Variants in EPHA7 observed in about 807,000 individuals in gnomAD.
EPHA7 encodes ephrin type-A receptor 7.
Under a neutral mutation model 112.6 loss-of-function variants are expected in EPHA7, and 25 were observed. The ratio of observed to expected loss-of-function variants is 0.22; its 90% confidence interval spans 0.16 to 0.31. EPHA7 has a LOEUF of 0.31. EPHA7 is among the 10% of genes least tolerant of loss of function. The pLI is 1.00. For synonymous variants in EPHA7, 437 were observed against 406.5 expected, an observed-to-expected ratio of 1.07 and a Z score of -0.90; for missense variants, 962 against 1,212.6, an observed-to-expected ratio of 0.79 and a Z score of 3.07.
chr6:93,277,394 A>T (rs903590840), intron 5 of EPHA7, among the ~76,000 whole-genome samples: 3 of 152,030 alleles, frequency 2.0e-5, no homozygotes, highest in Non-Finnish European at 4.4e-5. Flanking sequence ...TACATAAAAA[A>T]TGCTAAACAC....
intron 5 of EPHA7, among the ~76,000 whole-genome samples, chr6:93,322,412 T>C (rs543523375): frequency 6.6e-6 from 1 of 151,836 alleles, no homozygotes; most frequent in Non-Finnish European, 1.5e-5. Flanking sequence ...TTTTTTTGTC[T>C]TGTTTTATAA....
intron 3 of EPHA7, among the ~76,000 whole-genome samples, chr6:93,386,353 GC>G (rs1480655697): frequency 6.6e-6 from 1 of 152,126 alleles, no homozygotes; most frequent in Non-Finnish European, 1.5e-5. Context: ...AAATGAAGAA[GC>G]TACAAGCCCC....
intron 3 of EPHA7, among the ~76,000 whole-genome samples, chr6:93,383,295 T>TAC (rs1554188442): frequency 4.8e-5 from 7 of 147,318 alleles, no homozygotes; most frequent in Non-Finnish European, 9.0e-5. Context: ...TGTGTGTGTG[T>TAC]ACAATGACTT....
chr6:93,379,566 T>C (rs1020863356), intron 3 of EPHA7, among the ~76,000 whole-genome samples: 2 of 151,962 alleles, frequency 1.3e-5, no homozygotes, highest in African/African-American at 2.4e-5. Flanking sequence ...CTTAGAAAAG[T>C]GATTGTTTTG....
chr6:93,249,289 TA>T (rs1770101021), intron 14 of EPHA7, among the ~76,000 whole-genome samples: 2 of 152,278 alleles, frequency 1.3e-5, no homozygotes, highest in South Asian at 4.1e-4. Context: ...TTATATTTTT[TA>T]AAAAACATTT....
At chr6:93,260,859 G>A (rs900941714) in intron 9 of EPHA7, 1 of 505,930 alleles carries the variant, frequency 2.0e-6, no homozygotes, top group Non-Finnish European at 2.5e-6. Flanking sequence ...GGAGTATAGG[G>A]AAAAGGGGAA....
chr6:93,305,187 A>C (rs1009799359), intron 5 of EPHA7, among the ~76,000 whole-genome samples: 1 of 151,892 alleles, frequency 6.6e-6, no homozygotes, highest in Non-Finnish European at 1.5e-5. Context: ...TGCACAACTG[A>C]AAGTGTTCAT....
intron 3 of EPHA7, among the ~76,000 whole-genome samples, chr6:93,372,122 G>T (rs1776829659): frequency 6.6e-6 from 1 of 152,082 alleles, no homozygotes; most frequent in Non-Finnish European, 1.5e-5. Context: ...GCTAAGGGGT[G>T]AATGATTTAT....
chr6:93,377,334 T>A (rs1206560436), intron 3 of EPHA7, among the ~76,000 whole-genome samples: 1 of 152,158 alleles, frequency 6.6e-6, no homozygotes, highest in Non-Finnish European at 1.5e-5. Context: ...GCTCCAGGTA[T>A]GTCCTTGTAA....
chr6:93,350,554 A>T (rs1775637483), intron 5 of EPHA7, among the ~76,000 whole-genome samples: 2 of 152,170 alleles, frequency 1.3e-5, no homozygotes, highest in South Asian at 4.1e-4. Flanking sequence ...TGAGTGTCAT[A>T]TAGATCATTC....
chr6:93,298,082 A>C (rs1772766676), intron 5 of EPHA7, among the ~76,000 whole-genome samples: 1 of 152,168 alleles, frequency 6.6e-6, no homozygotes, highest in African/African-American at 2.4e-5. Context: ...ACAATGCCAT[A>C]TTAGCCACAA....
At chr6:93,366,455 C>T (rs888239435) in intron 3 of EPHA7, among the ~76,000 whole-genome samples, 3 of 152,160 alleles carry the variant, frequency 2.0e-5, no homozygotes, top group African/African-American at 4.8e-5. Context: ...TGTCTAGCTG[C>T]TAAACTACCT....
At chr6:93,300,156 T>C (rs1466343572) in intron 5 of EPHA7, among the ~76,000 whole-genome samples, 1 of 152,168 alleles carries the variant, frequency 6.6e-6, no homozygotes, top group Non-Finnish European at 1.5e-5. Flanking sequence ...GGTATAGTGA[T>C]TTAAACACAG....
At chr6:93,319,925 T>G (rs1773983911) in intron 5 of EPHA7, among the ~76,000 whole-genome samples, 1 of 152,136 alleles carries the variant, frequency 6.6e-6, no homozygotes, top group South Asian at 2.1e-4. Context: ...AAGTTGATTT[T>G]ATATATCTTT....
At chr6:93,332,457 T>C (rs1213053954) in intron 5 of EPHA7, among the ~76,000 whole-genome samples, 1 of 151,636 alleles carries the variant, frequency 6.6e-6, no homozygotes, top group Non-Finnish European at 1.5e-5. Flanking sequence ...TACATACTTA[T>C]ATTACAAATT....
intron 5 of EPHA7, among the ~76,000 whole-genome samples, chr6:93,325,319 T>C (rs945080112): frequency 6.6e-6 from 1 of 151,286 alleles, no homozygotes; most frequent in African/African-American, 2.4e-5. Context: ...ATTATTTAAG[T>C]GAGGAGTTCA....
intron 7 of EPHA7, among the ~76,000 whole-genome samples, chr6:93,269,255 C>T (rs940072717): frequency 6.6e-6 from 1 of 151,384 alleles, no homozygotes; most frequent in Non-Finnish European, 1.5e-5. Context: ...ATCTTGTATG[C>T]GTTAAAGAAA....
intron 3 of EPHA7, among the ~76,000 whole-genome samples, chr6:93,386,733 G>A (rs1233039138): frequency 6.6e-6 from 1 of 151,970 alleles, no homozygotes. Context: ...TGAAATTTAG[G>A]AGGAGGTTCC....
intron 3 of EPHA7, among the ~76,000 whole-genome samples, chr6:93,395,375 C>G (rs1266214061): frequency 6.6e-6 from 1 of 151,748 alleles, no homozygotes; most frequent in Non-Finnish European, 1.5e-5. Context: ...TCTTCTCTTT[C>G]TGTAACTAGG....
Sources: allele counts gnomAD v4.1 joint callset (sites outside exome capture counted in the v4.1 genomes callset), GRCh38; gene constraint gnomAD v4.1.1; transcripts MANE v1.5; gene names NCBI Gene and HGNC (gene_info 2026-07-23, HGNC 2026-07-21).